The following DNAJB6 variants were observed in gnomAD, a reference collection of about 807,000 sequenced individuals.
DNAJB6 encodes the protein DnaJ heat shock protein family (Hsp40) member B6.
DNAJB6 carries 16 observed loss-of-function variants against 42.7 expected under a neutral mutation model. The observed-to-expected ratio is 0.37, with a 90% confidence interval of 0.25 to 0.57. DNAJB6 has a LOEUF of 0.57. Ranked by LOEUF, DNAJB6 falls within the 20% of genes least tolerant of loss-of-function variation. The pLI, the probability that DNAJB6 is intolerant of heterozygous loss-of-function variation, is 0.74. For missense variants in DNAJB6, 347 were observed against 416.8 expected (o/e 0.83, Z 1.46); for synonymous variants, 170 against 163.5 (o/e 1.04, Z -0.30).
chr7:157,398,337 C>G (rs1024688440), intron 8 of DNAJB6, among the ~76,000 whole-genome samples: 1 of 152,092 alleles, frequency 6.6e-6, no homozygotes, highest in African/African-American at 2.4e-5. Flanking sequence ...AGTGGTATTC[C>G]TAATTTGTGT....
chr7:157,394,596 C>T (rs1801497603), intron 8 of DNAJB6, among the ~76,000 whole-genome samples: 1 of 151,978 alleles, frequency 6.6e-6, no homozygotes, highest in African/African-American at 2.4e-5. Context: ...CTTTTTCCTC[C>T]TCTATGGACA....
intron 8 of DNAJB6, among the ~76,000 whole-genome samples, chr7:157,399,623 T>G (rs1262457510): frequency 6.6e-6 from 1 of 151,960 alleles, no homozygotes; most frequent in African/African-American, 2.4e-5. Context: ...AACATACCCC[T>G]GTTGCTAAGC....
intron 1 of DNAJB6, chr7:157,339,774 C>G (rs961165634): frequency 6.6e-6 from 1 of 152,026 alleles, no homozygotes; most frequent in Admixed American, 6.6e-5. Flanking sequence ...TACAGGCATG[C>G]GCCACCACGC....
intron 8 of DNAJB6, among the ~76,000 whole-genome samples, chr7:157,395,755 G>T (rs1306679628): frequency 8.7e-5 from 13 of 149,746 alleles, no homozygotes; most frequent in Non-Finnish European, 4.4e-5. Flanking sequence ...GGCGATCTCG[G>T]CTCACTGCAA....
intron 8 of DNAJB6, among the ~76,000 whole-genome samples, chr7:157,390,100 C>T (rs999979097): frequency 6.6e-6 from 1 of 152,244 alleles, no homozygotes; most frequent in Non-Finnish European, 1.5e-5. Context: ...GGAAGCATCC[C>T]GTGAGTGCTG....
At chr7:157,362,385 A>G (rs1025214142) in intron 2 of DNAJB6, among the ~76,000 whole-genome samples, 4 of 152,000 alleles carry the variant, frequency 2.6e-5, no homozygotes, top group African/African-American at 9.7e-5. Context: ...CTTTTTAAAA[A>G]TTTTTTGAGA....
intron 1 of DNAJB6, among the ~76,000 whole-genome samples, chr7:157,345,216 A>G (rs1002598265): frequency 1.3e-5 from 2 of 151,840 alleles, no homozygotes; most frequent in Non-Finnish European, 2.9e-5. Context: ...CTGGTCTTGA[A>G]TTCCTGACCT....
At position 157,392,067 on chromosome 7, in the gene DNAJB6, A is replaced by C. The variant is rs73505222; in HGVS notation, c.691+6456A>C. ...CAGTGAGCCGTGATCGAGCCACTGC[A>C]CTCCAACCTGGGCAACAAGGAGACC... On this transcript the variant is annotated intron_variant, in intron 8 of 9. Transcript: ENST00000262177. Among the ~76,000 whole-genome samples, 807 of 145,468 alleles carry C rather than the reference A, an allele frequency of 5.5e-3. 11 individuals are homozygous for C. The highest frequency in any genetic ancestry group is 0.02 in the African/African-American group (774 of 38,774).
In DNAJB6 at chr7:157,368,164, T is replaced by G. The variant is rs556190287; in HGVS notation, c.346+681T>G. On this transcript the variant is annotated intron_variant, in intron 5 of 9. Coordinates refer to ENST00000262177, the MANE Select transcript of DNAJB6 (RefSeq NM_058246.4). ...GTAAAATCTTTTCTCTTCTTCCTCT[T>G]TGAAAATTTAAGTTACAGCTTGAAA... is the stretch of plus-strand genomic sequence containing the variant. 2.0e-4 allele frequency among the ~76,000 whole-genome samples: 30 copies of G among 152,300 alleles called. No individual in the cohort carries two copies. In the South Asian group the frequency reaches 5.6e-3, roughly 28 times the overall value.
In DNAJB6 at chr7:157,410,133, C is replaced by A; in HGVS notation, c.898+132C>A. 5.0e-6 allele frequency: 7 copies of A among 1,411,466 alleles called. No homozygotes were observed. The South Asian group carries it at 1.1e-4, about 22-fold the overall frequency. 87.4% of individuals were successfully genotyped at this position (1,411,466 alleles called of 1,614,324 possible). ...AGCGGGCGTGGGCGGTCGGGCGGGGCGGGAGGAGGTAGCCTCGCTCTGCTC... is the reference window on the plus strand; with the variant it reads ...AGCGGGCGTGGGCGGTCGGGCGGGGAGGGAGGAGGTAGCCTCGCTCTGCTC... On this transcript the variant is annotated intron_variant, in intron 9 of 9. Transcript: ENST00000262177.
chr7:157,364,323 G>A (rs1391503507), intron 3 of DNAJB6, among the ~76,000 whole-genome samples: 1 of 151,996 alleles, frequency 6.6e-6, no homozygotes, highest in Non-Finnish European at 1.5e-5. Flanking sequence ...CACCCCCTTT[G>A]TTTTAGAGGA....
At chr7:157,389,880 AACTGTTC>A (rs1367580631) in intron 8 of DNAJB6, among the ~76,000 whole-genome samples, 1 of 152,178 alleles carries the variant, frequency 6.6e-6, no homozygotes, top group Non-Finnish European at 1.5e-5. Flanking sequence ...GGTCTTACCT[AACTGTTC>A]ACTAAGGACT....
chr7:157,409,608 A>G (rs185665703), intron 8 of DNAJB6, among the ~76,000 whole-genome samples, 187 bp from the exon 9 acceptor site: 2 of 151,938 alleles, frequency 1.3e-5, no homozygotes, highest in African/African-American at 4.8e-5. Flanking sequence ...CTTTTTTCCC[A>G]CTCTTGGAGG....
At chr7:157,393,253 A>G (rs1801433165) in intron 8 of DNAJB6, among the ~76,000 whole-genome samples, 1 of 152,228 alleles carries the variant, frequency 6.6e-6, no homozygotes, top group East Asian at 1.9e-4. Flanking sequence ...CTGGGATTAC[A>G]GGTGTGAGCC....
At position 157,363,258 on chromosome 7, in the gene DNAJB6, G is replaced by A; in HGVS notation, c.163G>A (p.Val55Met). The A allele has an allele frequency of 6.2e-7, 1 of 1,609,132 alleles. No homozygotes were observed. Among genetic ancestry groups the A allele is most frequent in the Non-Finnish European group, 8.5e-7 (1 of 1,177,338 alleles). The change falls in exon 3 of 10, where the codon GTG (valine) becomes ATG (methionine). Residue 55 changes from valine (V) to methionine (M), a missense_variant. By Grantham distance (21) the Val-to-Met change is conservative. Around this residue, in one of 3 missense-constraint regions of DNAJB6, gnomAD observed 78 missense variants for 102.1 expected, o/e 0.76. Transcript: ENST00000262177. ...KFKQVAEAYEVLSDAKKRDIY... is the reference protein window; with the variant it reads ...KFKQVAEAYEMLSDAKKRDIY... ...CAAGCAAGTAGCGGAGGCATATGAAGTGCTGTCGGATGGTGAGTGACAGCG... is the reference window on the plus strand; with the variant it reads ...CAAGCAAGTAGCGGAGGCATATGAAATGCTGTCGGATGGTGAGTGACAGCG...
chr7:157,416,289 G>A lies in DNAJB6; in HGVS notation c.*191G>A. 1 of 822,318 alleles carries A rather than the reference G, an allele frequency of 1.2e-6. No homozygotes were observed. Among genetic ancestry groups the A allele is most frequent in the East Asian group, 2.8e-5 (1 of 36,324 alleles). The allele number at this position is 822,318 out of a possible 1,614,324, so 50.9% of individuals were successfully genotyped here. On this transcript the variant is annotated 3_prime_UTR_variant, in exon 10 of 10. Transcript: ENST00000262177. ...ACGGGGCTGACGGCACGGGTGGCGG[G>A]GACAGACGTTTGGGACTTGGCCGCG...
chr7:157,373,157 C>T (rs776484895), intron 5 of DNAJB6, among the ~76,000 whole-genome samples: 3 of 152,182 alleles, frequency 2.0e-5, no homozygotes, highest in South Asian at 2.1e-4. Flanking sequence ...CTATAAAGAG[C>T]CTGTTCCCAG....
At chr7:157,363,521 C>T (rs1331731142) in intron 3 of DNAJB6, among the ~76,000 whole-genome samples, 1 of 152,154 alleles carries the variant, frequency 6.6e-6, no homozygotes. Flanking sequence ...AAAAGCGGGA[C>T]TAGACATCCT....
chr7:157,408,262 C>T (rs1795843587), intron 8 of DNAJB6, among the ~76,000 whole-genome samples: 1 of 152,164 alleles, frequency 6.6e-6, no homozygotes, highest in Non-Finnish European at 1.5e-5. Context: ...TCACAGCCTG[C>T]GTTTACGGTG....
Sources: allele counts gnomAD v4.1 joint callset (sites outside exome capture counted in the v4.1 genomes callset), GRCh38; gene constraint gnomAD v4.1.1; regional missense constraint gnomAD v4.1.1; transcripts MANE v1.5; gene names NCBI Gene and HGNC (gene_info 2026-07-23, HGNC 2026-07-21).